The following DEPTOR variants were observed in gnomAD, a reference collection of about 807,000 sequenced individuals.
DEPTOR encodes the protein DEP domain containing MTOR interacting protein.
DEPTOR carries 41 observed loss-of-function variants against 41.6 expected under a neutral mutation model. The observed-to-expected ratio is 0.98, with a 90% CI of 0.77 to 1.28. The LOEUF (loss-of-function observed/expected upper bound fraction) is 1.28. Ranked by LOEUF, DEPTOR falls within the 50% of genes most tolerant of loss-of-function variation. The pLI is 0.00. For synonymous variants in DEPTOR, 195 were observed against 192.3 expected, an observed-to-expected ratio of 1.01 and a Z score of -0.12; for missense variants, 514 against 527.9, an observed-to-expected ratio of 0.97 and a Z score of 0.26.
At chr8:119,976,356 G>A (rs769697466) in intron 4 of DEPTOR, among the ~76,000 whole-genome samples, 26 of 151,938 alleles carry the variant, frequency 1.7e-4, no homozygotes, top group Non-Finnish European at 1.9e-4. Context: ...TTGGTTTGGC[G>A]CATATATATG....
At chr8:119,907,215 G>A (rs1827675049) in intron 1 of DEPTOR, among the ~76,000 whole-genome samples, 1 of 152,170 alleles carries the variant, frequency 6.6e-6, no homozygotes, top group Non-Finnish European at 1.5e-5. Flanking sequence ...TTGGAACAAG[G>A]TTGAGGGGTA....
At chr8:119,946,039 G>T (rs1474435860) in intron 3 of DEPTOR, among the ~76,000 whole-genome samples, 1 of 152,170 alleles carries the variant, frequency 6.6e-6, no homozygotes, top group Non-Finnish European at 1.5e-5. Flanking sequence ...TTGTTGTTAA[G>T]CGCAGAGATG....
chr8:119,928,743 C>CTTTTTTTTTT (rs376801517), intron 2 of DEPTOR, among the ~76,000 whole-genome samples, 165 bp downstream of exon 2: 51 of 127,910 alleles, frequency 4.0e-4, no homozygotes, highest in East Asian at 9.2e-4. Context: ...TGGGTTCTTT[C>CTTTTTTTTTT]TTTTTTTTTT....
chr8:119,887,443 T>C (rs1333517428), intron 1 of DEPTOR, among the ~76,000 whole-genome samples: 11 of 432 alleles, frequency 0.025, no homozygotes, highest in East Asian at 0.5. Context: ...CCCTCCCCCC[T>C]CCCCTCCCGT....
At chr8:119,881,485 C>T (rs1827295739) in intron 1 of DEPTOR, among the ~76,000 whole-genome samples, 1 of 151,020 alleles carries the variant, frequency 6.6e-6, no homozygotes, top group Admixed American at 6.6e-5. Context: ...GATGGCACCA[C>T]TGAACTCCAG....
chr8:119,915,289 G>A (rs529506190), intron 1 of DEPTOR, among the ~76,000 whole-genome samples: 1 of 152,260 alleles, frequency 6.6e-6, no homozygotes, highest in Admixed American at 6.5e-5. Context: ...TTTAAATAAT[G>A]TTTTTATATT....
At position 120,049,774 on chromosome 8, in the gene DEPTOR, A is replaced by G; in HGVS notation, c.*70A>G. 3 of 1,581,398 alleles carry G rather than the reference A, an allele frequency of 1.9e-6. No homozygotes were observed. The highest frequency in any genetic ancestry group is 1.1e-5 in the South Asian group (1 of 87,374). On this transcript the variant is annotated 3_prime_UTR_variant, in exon 9 of 9. Coordinates refer to ENST00000286234, the MANE Select transcript of DEPTOR (RefSeq NM_022783.4). ...GCCAGAATGACACAAAGCAATGCAAAGACAAGATTGCCATGCAAATGGATG... is the reference window on the plus strand; with the variant it reads ...GCCAGAATGACACAAAGCAATGCAAGGACAAGATTGCCATGCAAATGGATG...
intron 4 of DEPTOR, among the ~76,000 whole-genome samples, chr8:119,996,188 A>G (rs1011696226): frequency 1.8e-4 from 28 of 152,192 alleles, no homozygotes; most frequent in African/African-American, 6.8e-4. Flanking sequence ...ACTCGGATCC[A>G]AATCCATCCT....
chr8:119,936,593 A>G (rs936667577), intron 3 of DEPTOR, among the ~76,000 whole-genome samples: 2 of 152,382 alleles, frequency 1.3e-5, no homozygotes, highest in Middle Eastern at 3.4e-3. Context: ...TGACTGAGAT[A>G]GACCCTAGGT....
chr8:119,909,430 G>A (rs551211127), intron 1 of DEPTOR, among the ~76,000 whole-genome samples: 3 of 152,150 alleles, frequency 2.0e-5, no homozygotes, highest in Non-Finnish European at 2.9e-5. Context: ...GCATTCTTGG[G>A]ACTCTAAATA....
At chr8:119,919,313 C>T (rs957486592) in intron 1 of DEPTOR, among the ~76,000 whole-genome samples, 7 of 152,048 alleles carry the variant, frequency 4.6e-5, no homozygotes, top group African/African-American at 1.7e-4. Flanking sequence ...TAGGTAGAAA[C>T]ATATAGTGAC....
chr8:120,041,755 C>T (rs1052002995), intron 8 of DEPTOR, among the ~76,000 whole-genome samples: 1 of 152,112 alleles, frequency 6.6e-6, no homozygotes, highest in Non-Finnish European at 1.5e-5. Context: ...CCAGGCTGGT[C>T]TTGAACTCAT....
At chr8:119,956,544 C>T (rs1456232905) in intron 3 of DEPTOR, among the ~76,000 whole-genome samples, 1 of 152,108 alleles carries the variant, frequency 6.6e-6, no homozygotes, top group African/African-American at 2.4e-5. Flanking sequence ...CATCCACTGG[C>T]CCTCCCCATT....
chr8:119,950,910 T>C (rs1828344090), intron 3 of DEPTOR, among the ~76,000 whole-genome samples: 2 of 152,106 alleles, frequency 1.3e-5, no homozygotes, highest in African/African-American at 4.8e-5. Context: ...GTTTCTTATA[T>C]CTTTTAAATA....
intron 5 of DEPTOR, among the ~76,000 whole-genome samples, 186 bp from the exon 6 acceptor site, chr8:120,002,791 A>AAAT: frequency 0.21 from 12,376 of 60,364 alleles, 1,860 homozygotes; most frequent in South Asian, 0.26. Flanking sequence ...AAAAAAAAAA[A>AAAT]ATATATATAT....
At chr8:119,953,867 C>T (rs1483375174) in intron 3 of DEPTOR, among the ~76,000 whole-genome samples, 22 of 148,610 alleles carry the variant, frequency 1.5e-4, no homozygotes, top group South Asian at 2.2e-4. Context: ...TTCAGTGGCA[C>T]GATCTTGGCT....
At chr8:120,004,864 C>T (rs977558818) in intron 6 of DEPTOR, among the ~76,000 whole-genome samples, 5 of 151,918 alleles carry the variant, frequency 3.3e-5, no homozygotes, top group African/African-American at 9.7e-5. Context: ...ATGATCAGGC[C>T]TTCACAGTGA....
chr8:119,914,149 G>C (rs1049879524), intron 1 of DEPTOR, among the ~76,000 whole-genome samples: 2 of 151,160 alleles, frequency 1.3e-5, no homozygotes, highest in Admixed American at 1.3e-4. Flanking sequence ...GGGTTCAAGC[G>C]ATTCTCCTTC....
At chr8:120,006,013 C>T (rs997675869) in intron 6 of DEPTOR, among the ~76,000 whole-genome samples, 2 of 152,136 alleles carry the variant, frequency 1.3e-5, no homozygotes, top group African/African-American at 4.8e-5. Context: ...CCCATTCGCT[C>T]TGGGACCTTG....
Sources: gnomAD v4.1 joint callset for allele counts (sites outside exome capture counted in the v4.1 genomes callset) on GRCh38, gnomAD v4.1.1 for gene constraint, MANE v1.5 for transcripts, NCBI Gene and HGNC (gene_info 2026-07-23, HGNC 2026-07-21) for gene names.